PDE10A: variants seen among roughly 807,000 people sequenced by gnomAD.
The protein encoded by PDE10A is cAMP and cAMP-inhibited cGMP 3',5'-cyclic phosphodiesterase 10A.
Under a neutral mutation model 97.7 loss-of-function variants are expected in PDE10A, and 39 were observed. The ratio of observed to expected loss-of-function variants is 0.40; its 90% CI spans 0.31 to 0.52. The LOEUF is 0.52. Among genes scored for constraint, PDE10A ranks in the 20% least tolerant of loss-of-function variants. The probability of loss-of-function intolerance (pLI) is 0.56; values close to 1 mark genes in which losing one functional copy is unlikely to be tolerated. For missense variants in PDE10A, 731 were observed against 1,047.8 expected (o/e 0.70, Z 4.17); for synonymous variants, 371 against 376.8 (o/e 0.98, Z 0.18).
intron 1 of PDE10A, among the ~76,000 whole-genome samples, chr6:165,829,736 C>T (rs1779857510): frequency 6.6e-6 from 1 of 152,258 alleles, no homozygotes; most frequent in African/African-American, 2.4e-5. Flanking sequence ...AATGCTTCCT[C>T]TGCTGGCTGA....
In PDE10A at chr6:165,433,180, G is replaced by A. The variant is rs367899533; in HGVS notation, c.1336-51C>T. The A allele has an allele frequency of 3.3e-5, 45 of 1,361,592 alleles. No homozygotes were observed. The African/African-American group carries it at 5.9e-4, about 18-fold the overall frequency. 84.3% of individuals were successfully genotyped at this position (1,361,592 alleles called of 1,614,324 possible). A position where few individuals can be genotyped will look rare whatever the true frequency, so the allele number is the denominator to read the frequency against. ...ATAAATTCAGTGAAATGATCATTAA[G>A]TGATGATTCTTATTTCTATCAGAAA... On this transcript the variant is annotated intron_variant, in intron 6 of 21. Transcript: ENST00000539869.
At chr6:165,448,869 T>A in intron 5 of PDE10A, 59 bp downstream of exon 5, 1 of 1,031,450 alleles carries the variant, frequency 9.7e-7, no homozygotes, top group Non-Finnish European at 1.5e-6. Flanking sequence ...ATAACTTTTT[T>A]AAAGGAGCTT....
At chr6:165,391,945 AG>A (rs1466967959) in intron 16 of PDE10A, among the ~76,000 whole-genome samples, 1 of 152,202 alleles carries the variant, frequency 6.6e-6, no homozygotes. Context: ...GAGGAGAGAA[AG>A]GAGGACTCCC....
chr6:165,647,782 GAA>G (rs1789475339), intron 1 of PDE10A, among the ~76,000 whole-genome samples: 1 of 152,082 alleles, frequency 6.6e-6, no homozygotes, highest in African/African-American at 2.4e-5. Context: ...TGCCTTTTCG[GAA>G]AAGACTGTCT....
In PDE10A at chr6:165,557,632, TTCC is replaced by T. The variant is rs201782654; in HGVS notation, c.866-14067_866-14065del. ...CTACATAAATAAGCTGTCATATTTT[TTCC>T]TTCTTTGCTAGCAAATATACCTTCT... On this transcript the variant is annotated intron_variant, in intron 1 of 21. Transcript: ENST00000539869. Among the ~76,000 whole-genome samples the T allele has an allele frequency of 7.7e-3, 1,148 of 149,410 alleles. 20 individuals are homozygous for T. The highest frequency in any genetic ancestry group is 0.027 in the African/African-American group (1,058 of 39,818).
At chr6:165,526,940 C>G (rs1448878929) in intron 2 of PDE10A, among the ~76,000 whole-genome samples, 2 of 152,162 alleles carry the variant, frequency 1.3e-5, no homozygotes, top group Non-Finnish European at 2.9e-5. Context: ...CTTGCTTCTG[C>G]AAGGTATCAC....
intron 9 of PDE10A, 96 bp from the exon 10 acceptor site, chr6:165,428,805 T>A: frequency 1.9e-6 from 1 of 533,260 alleles, no homozygotes. Context: ...TACATTTAAA[T>A]AAAAAACCAT....
chr6:165,468,085 A>G (rs1334374946), intron 3 of PDE10A, among the ~76,000 whole-genome samples: 1 of 151,864 alleles, frequency 6.6e-6, no homozygotes, highest in African/African-American at 2.4e-5. Context: ...AATTTTATTT[A>G]TTTTGTTTTT....
chr6:165,631,560 TAC>T (rs1344917013), intron 1 of PDE10A, among the ~76,000 whole-genome samples: 2 of 152,238 alleles, frequency 1.3e-5, no homozygotes, highest in Non-Finnish European at 2.9e-5. Flanking sequence ...TCTACATTAC[TAC>T]AGATTCAGTA....
At chr6:165,642,656 T>C (rs1789191336) in intron 1 of PDE10A, among the ~76,000 whole-genome samples, 1 of 152,238 alleles carries the variant, frequency 6.6e-6, no homozygotes, top group Non-Finnish European at 1.5e-5. Context: ...AAACCATTTG[T>C]AGTCCTTATG....
intron 1 of PDE10A, among the ~76,000 whole-genome samples, chr6:165,891,962 TTA>T (rs202097558): frequency 0.5 from 68,913 of 136,722 alleles, 15,992 homozygotes; most frequent in East Asian, 0.72. Context: ...TTTTTTTTTT[TTA>T]ATGTGATGAA....
chr6:165,538,298 G>T (rs1583493719), intron 2 of PDE10A, among the ~76,000 whole-genome samples: 1 of 151,954 alleles, frequency 6.6e-6, no homozygotes, highest in Non-Finnish European at 1.5e-5. Context: ...GTATCAGGCA[G>T]CACAAATATT....
In PDE10A at chr6:165,348,813, T is replaced by C. The variant is rs150464119; in HGVS notation, c.2784-5311A>G. Among the ~76,000 whole-genome samples the C allele has an allele frequency of 1.5e-3, 229 of 152,260 alleles. 1 individual carries two copies. Among genetic ancestry groups the C allele is most frequent in the African/African-American group, 5.1e-3 (213 of 41,548 alleles). On this transcript the variant is annotated intron_variant, in intron 18 of 21. Coordinates refer to ENST00000539869, the MANE Select transcript of PDE10A (RefSeq NM_001385079.1). ...TCCTGTTTTGTGATAGGGATTCAGTTTTCACAGGAGCTGATGGTTTTATAA... is the reference window on the plus strand; with the variant it reads ...TCCTGTTTTGTGATAGGGATTCAGTCTTCACAGGAGCTGATGGTTTTATAA...
At chr6:165,517,319 A>G (rs1781870267) in intron 2 of PDE10A, among the ~76,000 whole-genome samples, 1 of 152,204 alleles carries the variant, frequency 6.6e-6, no homozygotes, top group South Asian at 2.1e-4. Flanking sequence ...CACAGTCTCT[A>G]TCAAAAATAA....
At chr6:165,809,902 A>C (rs1386018511) in intron 1 of PDE10A, among the ~76,000 whole-genome samples, 1 of 152,092 alleles carries the variant, frequency 6.6e-6, no homozygotes, top group African/African-American at 2.4e-5. Flanking sequence ...AAACCCAGAA[A>C]ACCCCAAAGC....
chr6:165,682,985 T>G (rs1791017730), intron 1 of PDE10A, among the ~76,000 whole-genome samples: 2 of 152,224 alleles, frequency 1.3e-5, no homozygotes, highest in South Asian at 4.1e-4. Flanking sequence ...CTGTTCATTG[T>G]GTCGTTCCCC....
intron 1 of PDE10A, among the ~76,000 whole-genome samples, chr6:165,796,091 C>CTTTTTTTTTTTTTTTTTTT (rs1168771487): frequency 8.3e-5 from 9 of 108,814 alleles, no homozygotes; most frequent in Non-Finnish European, 1.1e-4. Context: ...TTTTTCTTTT[C>CTTTTTTTTTTTTTTTTTTT]TTTTTTTTTT....
chr6:165,886,828 C>T (rs1230590073), intron 1 of PDE10A, among the ~76,000 whole-genome samples: 1 of 152,130 alleles, frequency 6.6e-6, no homozygotes, highest in Non-Finnish European at 1.5e-5. Flanking sequence ...CAGGGAACTT[C>T]CACAGATAAA....
At chr6:165,840,082 T>G in intron 1 of PDE10A, among the ~76,000 whole-genome samples, 1 of 916 alleles carries the variant, frequency 1.1e-3, no homozygotes, top group East Asian at 0.023. Flanking sequence ...ATCCCCACCT[T>G]CATCCCCATC....
Sources: gnomAD v4.1 joint callset for allele counts (sites outside exome capture counted in the v4.1 genomes callset) on GRCh38, gnomAD v4.1.1 for gene constraint, MANE v1.5 for transcripts, NCBI Gene and HGNC (gene_info 2026-07-23, HGNC 2026-07-21) for gene names.